Variants in CHN1 observed in about 807,000 individuals in gnomAD.
The protein encoded by CHN1 is N-chimaerin.
In CHN1, 37 loss-of-function variants were observed where a neutral mutation model predicts 59.5. The observed-to-expected ratio is 0.62, with a 90% CI of 0.48 to 0.82. CHN1 has a LOEUF of 0.82. CHN1 is among the 40% of genes least tolerant of loss of function. The pLI, the probability that CHN1 is intolerant of heterozygous loss-of-function variation, is 0.00. For synonymous variants in CHN1, 206 were observed against 200.4 expected (o/e 1.03, Z -0.24); for missense variants, 469 against 571.0 (o/e 0.82, Z 1.82).
intron 5 of CHN1, among the ~76,000 whole-genome samples, chr2:174,898,500 A>T (rs1688287250): frequency 6.6e-6 from 1 of 151,426 alleles, no homozygotes; most frequent in African/African-American, 2.4e-5. Flanking sequence ...GCTACTTAGG[A>T]GGCTGAGGCA....
At chr2:174,817,133 A>G (rs1388318906) in intron 8 of CHN1, among the ~76,000 whole-genome samples, 1 of 152,100 alleles carries the variant, frequency 6.6e-6, no homozygotes, top group Non-Finnish European at 1.5e-5. Flanking sequence ...TCAAAGTTAT[A>G]TTTTCCATTA....
chr2:174,870,617 G>A lies in CHN1; in HGVS notation c.549+7223C>T, dbSNP rs565685480. On this transcript the variant is annotated intron_variant, in intron 6 of 12. Coordinates refer to ENST00000409900, the MANE Select transcript of CHN1 (RefSeq NM_001822.7). Reference sequence around the variant, plus strand: ...AGAACTGCCCGCAAAGTTAGGGTGTGAGCAACATGGCCAAGACCAGATTAA... The same window carrying A: ...AGAACTGCCCGCAAAGTTAGGGTGTAAGCAACATGGCCAAGACCAGATTAA... 2.6e-5 allele frequency among the ~76,000 whole-genome samples: 4 copies of A among 152,312 alleles called. No homozygotes were observed. In the East Asian group the frequency reaches 7.7e-4, roughly 29 times the overall value.
chr2:174,818,665 CCCTT>C (rs1361560240), intron 8 of CHN1, among the ~76,000 whole-genome samples: 1 of 151,748 alleles, frequency 6.6e-6, no homozygotes, highest in Admixed American at 6.6e-5. Context: ...CCACATTTCT[CCCTT>C]CCAATTTCTC....
chr2:174,975,668 A>C (rs1342812509), intron 1 of CHN1, among the ~76,000 whole-genome samples: 1 of 152,026 alleles, frequency 6.6e-6, no homozygotes, highest in African/African-American at 2.4e-5. Flanking sequence ...AAAAAAAAAA[A>C]ACAGAAGCAA....
intron 3 of CHN1, among the ~76,000 whole-genome samples, chr2:174,926,349 A>T (rs1689163141): frequency 6.6e-6 from 1 of 152,058 alleles, no homozygotes; most frequent in Non-Finnish European, 1.5e-5. Flanking sequence ...CTACAGGCAC[A>T]TGCCACCACA....
intron 5 of CHN1, among the ~76,000 whole-genome samples, chr2:174,905,087 TA>T (rs1431944948): frequency 6.6e-6 from 1 of 152,192 alleles, no homozygotes; most frequent in African/African-American, 2.4e-5. Flanking sequence ...AAATGTTAGC[TA>T]ATATTATATT....
At chr2:174,972,662 G>GTGATTTAGAGGGTGAACTCACT (rs1690796490) in intron 1 of CHN1, among the ~76,000 whole-genome samples, 1 of 152,100 alleles carries the variant, frequency 6.6e-6, no homozygotes, top group Admixed American at 6.5e-5. Flanking sequence ...TGAGATCTTG[G>GTGATTTAGAGGGTGAACTCACT]AACTGTCCTC....
intron 1 of CHN1, among the ~76,000 whole-genome samples, chr2:174,961,522 C>T (rs972963102): frequency 2.6e-5 from 4 of 151,426 alleles, no homozygotes; most frequent in Non-Finnish European, 4.4e-5. Flanking sequence ...ACCCGGGAGG[C>T]GGAGGTTGCA....
At chr2:174,942,836 G>C (rs1457085737) in intron 3 of CHN1, among the ~76,000 whole-genome samples, 3 of 152,138 alleles carry the variant, frequency 2.0e-5, no homozygotes, top group Non-Finnish European at 4.4e-5. Flanking sequence ...GATCCCTTGA[G>C]CTTAGGCGTT....
chr2:174,943,672 C>T (rs567877895), intron 3 of CHN1, among the ~76,000 whole-genome samples: 1 of 152,250 alleles, frequency 6.6e-6, no homozygotes, highest in East Asian at 1.9e-4. Context: ...GCTCTTCATC[C>T]ACTCCTTATC....
At chr2:174,843,021 T>C (rs1481024217) in intron 7 of CHN1, among the ~76,000 whole-genome samples, 1 of 152,326 alleles carries the variant, frequency 6.6e-6, no homozygotes, top group East Asian at 1.9e-4. Context: ...TAATTCTTAA[T>C]GTTGTTTTCT....
At chr2:174,912,113 T>C (rs1688720041) in intron 5 of CHN1, among the ~76,000 whole-genome samples, 1 of 151,608 alleles carries the variant, frequency 6.6e-6, no homozygotes, top group Admixed American at 6.6e-5. Context: ...AAGTGAAAAA[T>C]ACGGAAATAT....
chr2:174,916,455 A>G (rs1688851571), intron 4 of CHN1, among the ~76,000 whole-genome samples: 1 of 152,190 alleles, frequency 6.6e-6, no homozygotes, highest in Admixed American at 6.5e-5. Context: ...CCCCTACAAT[A>G]ACTGCAATGA....
At position 174,846,288 on chromosome 2, in the gene CHN1, A is replaced by G. The variant is rs762196280; in HGVS notation, c.627+592T>C. 61 of 1,536,640 alleles carry G rather than the reference A, an allele frequency of 4.0e-5. No homozygotes were observed. The Middle Eastern group carries it at 5.1e-4, about 13-fold the overall frequency. ...ACAGTTGATAAACCACATTAACACAATAATTAAAAACTACACATACGCATA... is the reference window on the plus strand; with the variant it reads ...ACAGTTGATAAACCACATTAACACAGTAATTAAAAACTACACATACGCATA... On this transcript the variant is annotated intron_variant, in intron 7 of 12. Coordinates refer to ENST00000409900, the MANE Select transcript of CHN1 (RefSeq NM_001822.7).
At chr2:174,993,185 T>G (rs1483840394) in intron 1 of CHN1, among the ~76,000 whole-genome samples, 1 of 151,618 alleles carries the variant, frequency 6.6e-6, no homozygotes, top group East Asian at 1.9e-4. Flanking sequence ...TATGTCAGTT[T>G]AGCAATAATT....
intron 1 of CHN1, among the ~76,000 whole-genome samples, chr2:174,989,320 G>A (rs1691462157): frequency 6.6e-6 from 1 of 152,086 alleles, no homozygotes; most frequent in South Asian, 2.1e-4. Flanking sequence ...AGGTTGCAGT[G>A]AGCTGAGATG....
At chr2:174,964,457 T>C (rs1158185933) in intron 1 of CHN1, among the ~76,000 whole-genome samples, 2 of 152,188 alleles carry the variant, frequency 1.3e-5, no homozygotes, top group African/African-American at 2.4e-5. Context: ...GAAGAAAACA[T>C]GGAAACTGAA....
intron 1 of CHN1, among the ~76,000 whole-genome samples, chr2:174,960,911 G>A (rs1303271814): frequency 6.6e-6 from 1 of 151,930 alleles, no homozygotes; most frequent in Non-Finnish European, 1.5e-5. Context: ...AGGATCACTT[G>A]AGTACAGGAG....
At chr2:174,872,700 A>G (rs1277992884) in intron 6 of CHN1, among the ~76,000 whole-genome samples, 1 of 152,152 alleles carries the variant, frequency 6.6e-6, no homozygotes, top group Non-Finnish European at 1.5e-5. Context: ...CAAGATAACA[A>G]TCTTGTGAAC....
Sources: allele counts gnomAD v4.1 joint callset (sites outside exome capture counted in the v4.1 genomes callset), GRCh38; gene constraint gnomAD v4.1.1; transcripts MANE v1.5; gene names NCBI Gene and HGNC (gene_info 2026-07-23, HGNC 2026-07-21).